Variants in DCAF4 observed in about 807,000 individuals in gnomAD.
The protein encoded by DCAF4 is DDB1 and CUL4 associated factor 4.
Under a neutral mutation model 60.9 loss-of-function variants are expected in DCAF4, and 37 were observed. The ratio of observed to expected loss-of-function variants is 0.61; its 90% CI spans 0.47 to 0.80. The LOEUF is 0.80. Ranked by LOEUF, DCAF4 falls within the 30% of genes least tolerant of loss-of-function variation. DCAF4 has a pLI of 0.00. For missense variants in DCAF4, 577 were observed against 650.0 expected (o/e 0.89, Z 1.22); for synonymous variants, 243 against 254.8 (o/e 0.95, Z 0.44).
chr14:72,931,263 C>CT (rs370127536), intron 1 of DCAF4, among the ~76,000 whole-genome samples: 82,546 of 126,058 alleles, frequency 0.65, 27,655 homozygotes, highest in East Asian at 0.7. Flanking sequence ...TACTTTTTCT[C>CT]TTTTTTTTTT....
In DCAF4 at chr14:72,946,041, C is replaced by G; in HGVS notation, c.678+14C>G. 1.2e-6 allele frequency: 2 copies of G among 1,613,076 alleles called. No homozygotes were observed. The highest frequency in any genetic ancestry group is 2.7e-5 in the African/African-American group (2 of 74,982). On this transcript the variant is annotated intron_variant, in intron 7 of 13. Coordinates refer to ENST00000358377, the MANE Select transcript of DCAF4 (RefSeq NM_015604.4). ...ACCAACCGGAAGGTACGTTGCCCATCCCTGTAGCCTCTCTGCACACTTGAC... is the reference window on the plus strand; with the variant it reads ...ACCAACCGGAAGGTACGTTGCCCATGCCTGTAGCCTCTCTGCACACTTGAC...
Position 72,956,510 on chromosome 14 carries a change from G to A in DCAF4, c.1294+10G>A, listed in dbSNP as rs112072118. 1 of 1,601,846 alleles carries A rather than the reference G, an allele frequency of 6.2e-7. No individual in the cohort carries two copies. Among genetic ancestry groups the A allele is most frequent in the South Asian group, 1.1e-5 (1 of 89,126 alleles). ...GGAATCCTGGTGGCAGGTACTTGAG[G>A]AAGGAAGGGGAAGTTCCACCCCATC... On this transcript the variant is annotated intron_variant, in intron 13 of 13. Transcript: ENST00000358377.
chr14:72,948,606 G>A (rs1021577818), intron 8 of DCAF4, among the ~76,000 whole-genome samples: 5 of 152,064 alleles, frequency 3.3e-5, no homozygotes, highest in African/African-American at 9.7e-5. Context: ...TGGTATTCTC[G>A]TTTCTGTGGG....
chr14:72,927,706 T>A (rs1050387730), intron 1 of DCAF4, among the ~76,000 whole-genome samples: 9 of 152,128 alleles, frequency 5.9e-5, no homozygotes, highest in African/African-American at 2.2e-4. Context: ...AGAGGTGGAA[T>A]CCCTGTTCCA....
intron 4 of DCAF4, among the ~76,000 whole-genome samples, chr14:72,940,811 G>A (rs940028298): frequency 1.3e-5 from 2 of 151,294 alleles, no homozygotes; most frequent in African/African-American, 4.9e-5. Context: ...GGTTGGTCTT[G>A]AACTCCTGAC....
Position 72,940,316 on chromosome 14 carries a change from G to T in DCAF4, c.290G>T (p.Arg97Leu). Residue 97 changes from arginine to leucine, a missense_variant, in exon 4 of 14, where the codon CGG becomes CTG. Arg to Leu is a moderately radical substitution (Grantham distance 102, BLOSUM62 -2). Transcript: ENST00000358377. The part of the protein sequence containing the change: ...NCNPLTKESI[R>L]QKEMESKRLR... Reference sequence around the variant, plus strand: ...AACCCCCTGACGAAAGAGAGCATCCGGCAGAAGGAGATGGAGAGCAAGAGA... The same window carrying T: ...AACCCCCTGACGAAAGAGAGCATCCTGCAGAAGGAGATGGAGAGCAAGAGA... 6.2e-7 allele frequency: 1 copy of T among 1,614,114 alleles called. No homozygotes were observed. Among genetic ancestry groups the T allele is most frequent in the South Asian group, 1.1e-5 (1 of 91,076 alleles).
chr14:72,945,761 G>T, intron 6 of DCAF4, 123 bp from the exon 7 acceptor site: 1 of 1,318,330 alleles, frequency 7.6e-7, no homozygotes, highest in South Asian at 1.4e-5. Flanking sequence ...CGCTCATGGA[G>T]AGGAACTCTC....
chr14:72,955,779 C>G (rs902656207), intron 12 of DCAF4, 83 bp downstream of exon 12: 1 of 1,331,264 alleles, frequency 7.5e-7, no homozygotes, highest in Admixed American at 2.1e-5. Context: ...TGAAGAGGTC[C>G]TCACACCAAG....
chr14:72,956,577 A>G, intron 13 of DCAF4, 77 bp downstream of exon 13: 4 of 1,414,616 alleles, frequency 2.8e-6, no homozygotes, highest in Non-Finnish European at 3.9e-6. Context: ...CTTCAGCAGC[A>G]GAGGGAAAAG....
intron 9 of DCAF4, 28 bp from the exon 10 acceptor site, chr14:72,954,136 A>C (rs1797384077): frequency 6.2e-7 from 1 of 1,613,336 alleles, no homozygotes; most frequent in Non-Finnish European, 8.5e-7. Context: ...AGGCAGCCAC[A>C]CTTTACATTC....
intron 9 of DCAF4, among the ~76,000 whole-genome samples, chr14:72,953,728 A>ATATAT (rs1479912270): frequency 5.0e-4 from 19 of 37,754 alleles, no homozygotes; most frequent in South Asian, 1.2e-3. Flanking sequence ...AAAAAAAAAA[A>ATATAT]AAAAATATAT....
intron 6 of DCAF4, among the ~76,000 whole-genome samples, chr14:72,943,678 A>C (rs1890341325): frequency 6.6e-6 from 1 of 152,208 alleles, no homozygotes; most frequent in Admixed American, 6.5e-5. Context: ...AAAGGTTGGC[A>C]GAGAGCTAGA....
intron 7 of DCAF4, 133 bp from the exon 8 acceptor site, chr14:72,947,009 C>A: frequency 8.2e-7 from 1 of 1,216,064 alleles, no homozygotes; most frequent in Non-Finnish European, 1.2e-6. Context: ...CCTCAGAATG[C>A]TTGTTCCAGC....
At chr14:72,932,874 AT>A (rs1004185518) in intron 1 of DCAF4, among the ~76,000 whole-genome samples, 18 of 144,872 alleles carry the variant, frequency 1.2e-4, no homozygotes, top group South Asian at 6.5e-4. Context: ...CAGCTGAATA[AT>A]TTTTTTTTCT....
At position 72,959,388 on chromosome 14, in the gene DCAF4, G is replaced by A. The variant is rs1232024998; in HGVS notation, c.*583G>A. ...GGGATTCTGCTGTTATTATCCAAAG[G>A]CGTTGGAAGGAAAGATGGATCTTCT... is the stretch of plus-strand genomic sequence containing the variant. On this transcript the variant is annotated 3_prime_UTR_variant, in exon 14 of 14. Coordinates refer to ENST00000358377, the MANE Select transcript of DCAF4 (RefSeq NM_015604.4). The A allele has an allele frequency of 1.0e-6, 1 of 985,350 alleles. No individual in the cohort carries two copies. Among genetic ancestry groups the A allele is most frequent in the African/African-American group, 1.7e-5 (1 of 57,232 alleles). 61.0% of individuals were successfully genotyped at this position (985,350 alleles called of 1,614,324 possible). A position where few individuals can be genotyped will look rare whatever the true frequency, so the allele number is the denominator to read the frequency against.
intron 12 of DCAF4, 63 bp downstream of exon 12, chr14:72,955,759 A>G: frequency 1.3e-6 from 2 of 1,495,988 alleles, no homozygotes; most frequent in Non-Finnish European, 1.8e-6. Flanking sequence ...GCCAGGTGAA[A>G]GGGTTCTGCT....
intron 8 of DCAF4, among the ~76,000 whole-genome samples, chr14:72,949,177 G>T (rs1891103046): frequency 6.6e-6 from 1 of 152,032 alleles, no homozygotes; most frequent in Admixed American, 6.6e-5. Flanking sequence ...GGCCAGGCAT[G>T]GTGGCTCCCA....
At chr14:72,932,429 A>G (rs1225308969) in intron 1 of DCAF4, among the ~76,000 whole-genome samples, 1 of 152,282 alleles carries the variant, frequency 6.6e-6, no homozygotes, top group Non-Finnish European at 1.5e-5. Flanking sequence ...GAAGGCATGT[A>G]CATTTGTAAG....
At position 72,956,485 on chromosome 14, in the gene DCAF4, G is replaced by C. The variant is rs757129813; in HGVS notation, c.1279G>C (p.Gly427Arg). The change falls in exon 13 of 14, where the codon GGA (glycine) becomes CGA (arginine). Residue 427 changes from glycine (G) to arginine (R), a missense_variant. Physicochemically the swap from Gly to Arg is moderately radical, Grantham distance 125 (BLOSUM62 -2). Coordinates refer to ENST00000358377, the MANE Select transcript of DCAF4 (RefSeq NM_015604.4). ...GCCCCTGCATGTGCACGAGGAAGAA[G>C]GAATCCTGGTGGCAGGTACTTGAGG... ...YLPLHVHEEE[G>R]ILVAVGQDCY... 6.2e-7 allele frequency: 1 copy of C among 1,612,402 alleles called. No homozygotes were observed. The highest frequency in any genetic ancestry group is 1.1e-5 in the South Asian group (1 of 90,672).
Sources: allele counts gnomAD v4.1 joint callset (sites outside exome capture counted in the v4.1 genomes callset), GRCh38; gene constraint gnomAD v4.1.1; transcripts MANE v1.5; gene names NCBI Gene and HGNC (gene_info 2026-07-23, HGNC 2026-07-21).